Variants in CDON observed in about 807,000 individuals in gnomAD.
CDON encodes cell adhesion associated, oncogene regulated, also known as cell adhesion molecule-related/down-regulated by oncogenes.
Under a neutral mutation model 120.9 loss-of-function variants are expected in CDON, and 73 were observed. The observed-to-expected ratio is 0.60, with a 90% confidence interval of 0.50 to 0.73. The LOEUF (loss-of-function observed/expected upper bound fraction) is 0.73. Among genes scored for constraint, CDON ranks in the 30% least tolerant of loss-of-function variants. CDON has a pLI of 0.00. For missense variants in CDON, 1,470 were observed against 1,587.3 expected (o/e 0.93, Z 1.26); for synonymous variants, 566 against 573.5 (o/e 0.99, Z 0.19).
intron 8 of CDON, among the ~76,000 whole-genome samples, chr11:126,008,822 A>T (rs1020398387): frequency 4.6e-5 from 7 of 152,200 alleles, no homozygotes; most frequent in African/African-American, 1.7e-4. Context: ...TTCTTCATTT[A>T]AGGATTCTTA....
At position 125,989,622 on chromosome 11, in the gene CDON, C is replaced by G; in HGVS notation, c.2773+15G>C. On this transcript the variant is annotated intron_variant, in intron 15 of 19. Coordinates refer to ENST00000531738, the MANE Select transcript of CDON (RefSeq NM_001378964.1). ...AATTCTATCACTGTCCAGGGAAAAGCAAAAATTCTCCTACCTTTAGTCTCG... is the reference window on the plus strand; with the variant it reads ...AATTCTATCACTGTCCAGGGAAAAGGAAAAATTCTCCTACCTTTAGTCTCG... The G allele has an allele frequency of 6.2e-7, 1 of 1,611,262 alleles. No homozygotes were observed. The highest frequency in any genetic ancestry group is 8.5e-7 in the Non-Finnish European group (1 of 1,178,150).
chr11:125,996,413 T>C (rs550513075), intron 12 of CDON, among the ~76,000 whole-genome samples: 1 of 152,238 alleles, frequency 6.6e-6, no homozygotes, highest in East Asian at 1.9e-4. Flanking sequence ...ACAATATTTA[T>C]GGCACGATCC....
rs1948780789 is a variant in CDON, at chr11:126,060,922, T to TTGTAG, written c.-62+1656_-62+1657insCTACA. 2.0e-5 allele frequency among the ~76,000 whole-genome samples: 3 copies of TTGTAG among 152,374 alleles called. No homozygotes were observed. In the South Asian group the frequency reaches 6.2e-4, roughly 32 times the overall value. The stretch of plus-strand genomic sequence containing the variant: ...ATCAGTATCCAAGTCCTAAGGGTTC[T>TTGTAG]TTGTACTTGAAGGCTTGAGAGTCAG... On this transcript the variant is annotated intron_variant, in intron 1 of 19. Transcript: ENST00000531738.
intron 8 of CDON, among the ~76,000 whole-genome samples, chr11:126,006,985 G>T (rs1477021602): frequency 6.6e-6 from 1 of 151,910 alleles, no homozygotes; most frequent in African/African-American, 2.4e-5. Flanking sequence ...CCAGAAGAAT[G>T]TTCATGGTGC....
intron 1 of CDON, among the ~76,000 whole-genome samples, chr11:126,048,440 G>T (rs1215023801): frequency 1.3e-5 from 2 of 152,140 alleles, no homozygotes; most frequent in Non-Finnish European, 2.9e-5. Flanking sequence ...CGAGCAAAGA[G>T]GTCAGCAGCA....
intron 18 of CDON, among the ~76,000 whole-genome samples, chr11:125,971,484 G>A (rs1204193548): frequency 3.3e-5 from 5 of 152,100 alleles, no homozygotes; most frequent in Non-Finnish European, 7.4e-5. Context: ...TCCACGGAGG[G>A]TTTCAAGTTG....
chr11:126,002,895 T>C (rs569929893), intron 10 of CDON, among the ~76,000 whole-genome samples: 1 of 152,290 alleles, frequency 6.6e-6, no homozygotes, highest in Admixed American at 6.5e-5. Context: ...AGCAGCCCCA[T>C]CGTGTTCCTA....
At chr11:126,055,571 C>T (rs573811586) in intron 1 of CDON, among the ~76,000 whole-genome samples, 7 of 152,286 alleles carry the variant, frequency 4.6e-5, no homozygotes, top group East Asian at 3.9e-4. Flanking sequence ...TACTTGGACA[C>T]GTCTCTGATA....
intron 15 of CDON, among the ~76,000 whole-genome samples, chr11:125,985,033 T>C (rs1479321471): frequency 2.0e-5 from 3 of 152,276 alleles, no homozygotes; most frequent in East Asian, 1.9e-4. Context: ...CCAAATCATA[T>C]GTTCTTAAGT....
chr11:126,037,731 C>T (rs662947), intron 1 of CDON, among the ~76,000 whole-genome samples: 94,352 of 151,960 alleles, frequency 0.62, 29,995 homozygotes, highest in African/African-American at 0.74. Context: ...ACAAAATTAT[C>T]AGTTGGTAGT....
chr11:125,975,120 C>T (rs956693295), intron 18 of CDON, among the ~76,000 whole-genome samples: 1 of 152,210 alleles, frequency 6.6e-6, no homozygotes, highest in Non-Finnish European at 1.5e-5. Flanking sequence ...TATGATGCTG[C>T]TACCCCAGTG....
intron 17 of CDON, among the ~76,000 whole-genome samples, chr11:125,980,030 ACT>A (rs1196125746): frequency 2.0e-5 from 3 of 152,130 alleles, no homozygotes; most frequent in Non-Finnish European, 4.4e-5. Flanking sequence ...GGGAAAAAAA[ACT>A]CTAAGCTTCT....
chr11:125,980,971 G>A, intron 17 of CDON, 78 bp downstream of exon 17: 1 of 1,463,618 alleles, frequency 6.8e-7, no homozygotes. Context: ...ACTGAACAAA[G>A]CCAAGCATGC....
In CDON at chr11:126,062,844, G is replaced by T. The variant is rs370136116; in HGVS notation, c.-327C>A. 1 of 151,820 alleles carries T rather than the reference G, an allele frequency of 6.6e-6. No individual in the cohort carries two copies. The highest frequency in any genetic ancestry group is 2.4e-5 in the African/African-American group (1 of 41,380). The allele number at this position is 151,820 out of a possible 1,614,324, so 9.4% of individuals were successfully genotyped here. ...GCGAGCCGGGCTCCCGGGCTCAGGG[G>T]AGGGGAGCTGAGGGGCGGAGTCACC... On this transcript the variant is annotated 5_prime_UTR_variant, in exon 1 of 20. Coordinates refer to ENST00000531738, the MANE Select transcript of CDON (RefSeq NM_001378964.1).
At chr11:125,981,970 C>CTGTTTTTTTTT (rs1946320713) in intron 16 of CDON, among the ~76,000 whole-genome samples, 1 of 54,290 alleles carries the variant, frequency 1.8e-5, no homozygotes, top group Non-Finnish European at 3.1e-5. Context: ...ATTCTATTTT[C>CTGTTTTTTTTT]TTTTTTTTTT....
intron 15 of CDON, 146 bp downstream of exon 15, chr11:125,989,491 G>T (rs1565508105): frequency 1.2e-5 from 9 of 756,914 alleles, no homozygotes; most frequent in Non-Finnish European, 2.1e-5. Flanking sequence ...AGTTGAGATT[G>T]TACCACTGCA....
At chr11:126,006,287 T>C (rs1368807792) in intron 8 of CDON, among the ~76,000 whole-genome samples, 1 of 152,174 alleles carries the variant, frequency 6.6e-6, no homozygotes, top group East Asian at 1.9e-4. Flanking sequence ...TATGATGCAA[T>C]AGTGTAGCAG....
At chr11:125,974,175 C>T (rs1946084642) in intron 18 of CDON, among the ~76,000 whole-genome samples, 1 of 151,968 alleles carries the variant, frequency 6.6e-6, no homozygotes, top group African/African-American at 2.4e-5. Context: ...GGATTACAGG[C>T]GTGAGCCACT....
intron 18 of CDON, among the ~76,000 whole-genome samples, chr11:125,975,461 A>C (rs569196552): frequency 4.4e-4 from 62 of 139,338 alleles, no homozygotes; most frequent in Admixed American, 9.6e-4. Flanking sequence ...TTGTTTATTA[A>C]ATAAACTACT....
Sources: gnomAD v4.1 joint callset for allele counts (sites outside exome capture counted in the v4.1 genomes callset) on GRCh38, gnomAD v4.1.1 for gene constraint, MANE v1.5 for transcripts, NCBI Gene and HGNC (gene_info 2026-07-23, HGNC 2026-07-21) for gene names.